Variants in PTN observed in about 807,000 individuals in gnomAD.
PTN encodes the protein pleiotrophin.
In PTN, 18 loss-of-function variants were observed where a neutral mutation model predicts 24.1. The ratio of observed to expected loss-of-function variants is 0.75; its 90% confidence interval spans 0.52 to 1.11. The LOEUF (loss-of-function observed/expected upper bound fraction) is 1.11. PTN is among the 50% of genes least tolerant of loss of function. The pLI is 0.00. For missense variants in PTN, 163 were observed against 198.8 expected (o/e 0.82, Z 1.08); for synonymous variants, 78 against 68.6 (o/e 1.14, Z -0.67).
At chr7:137,334,884 TCCTTTGTAGGGACATG>T (rs1158362845) in intron 1 of PTN, among the ~76,000 whole-genome samples, 1 of 151,838 alleles carries the variant, frequency 6.6e-6, no homozygotes. Context: ...TGAGTTCATG[TCCTTTGTAGGGACATG>T]GATGAAATTG....
chr7:137,247,318 C>T (rs183644203), intron 4 of PTN, among the ~76,000 whole-genome samples: 9 of 152,084 alleles, frequency 5.9e-5, no homozygotes, highest in African/African-American at 1.9e-4. Flanking sequence ...ATATACATAA[C>T]GGAGTACAAT....
intron 1 of PTN, among the ~76,000 whole-genome samples, chr7:137,285,859 T>C (rs1267495073): frequency 6.6e-6 from 1 of 152,180 alleles, no homozygotes; most frequent in Non-Finnish European, 1.5e-5. Context: ...AATAAGTGAG[T>C]AAATTTTAAA....
chr7:137,246,489 C>A (rs1315467072), intron 4 of PTN, among the ~76,000 whole-genome samples: 1 of 152,126 alleles, frequency 6.6e-6, no homozygotes, highest in African/African-American at 2.4e-5. Context: ...ATTTTGAAAA[C>A]CACTGATTTT....
chr7:137,301,168 A>C (rs1306542118), intron 1 of PTN, among the ~76,000 whole-genome samples: 1 of 151,976 alleles, frequency 6.6e-6, no homozygotes. Context: ...TATGTGTCAG[A>C]ATGAAAAATA....
intron 1 of PTN, among the ~76,000 whole-genome samples, chr7:137,331,109 T>G (rs529224561): frequency 6.6e-6 from 1 of 152,316 alleles, no homozygotes; most frequent in African/African-American, 2.4e-5. Context: ...TCTTGCTGCC[T>G]TTGACATAAA....
At chr7:137,267,506 T>C (rs1809176746) in intron 1 of PTN, among the ~76,000 whole-genome samples, 1 of 152,168 alleles carries the variant, frequency 6.6e-6, no homozygotes, top group Non-Finnish European at 1.5e-5. Context: ...AAGGGACCTG[T>C]CTAGGCTTCC....
chr7:137,264,039 T>C (rs35298418), intron 1 of PTN, among the ~76,000 whole-genome samples: 27,601 of 152,116 alleles, frequency 0.18, 2,969 homozygotes, highest in African/African-American at 0.3. Flanking sequence ...TTTTCTAGCT[T>C]TGCAATATTG....
At chr7:137,268,323 C>A (rs1181983623) in intron 1 of PTN, among the ~76,000 whole-genome samples, 1 of 152,118 alleles carries the variant, frequency 6.6e-6, no homozygotes, top group East Asian at 1.9e-4. Context: ...CCATTACTCA[C>A]CTCGCTTGCC....
chr7:137,323,042 T>A (rs1810191063), intron 1 of PTN, among the ~76,000 whole-genome samples: 1 of 152,244 alleles, frequency 6.6e-6, no homozygotes, highest in African/African-American at 2.4e-5. Context: ...TATGTTTGAC[T>A]TGAGTTTCAC....
chr7:137,302,858 A>G lies in PTN; in HGVS notation c.-2+40581T>C, dbSNP rs75093497. On this transcript the variant is annotated intron_variant, in intron 1 of 4. Coordinates refer to ENST00000348225, the MANE Select transcript of PTN (RefSeq NM_002825.7). The stretch of plus-strand genomic sequence containing the variant: ...ATAGCTCAAAATAACTCAAAAGTCT[A>G]TCAGTTCAGCTCTGCTTTCCCTATT... Among the ~76,000 whole-genome samples, 884 of 152,118 alleles carry G rather than the reference A, an allele frequency of 5.8e-3. 12 individuals carry two copies. Among genetic ancestry groups the G allele is most frequent in the African/African-American group, 0.02 (835 of 41,554 alleles).
At chr7:137,332,306 G>A (rs1462941779) in intron 1 of PTN, among the ~76,000 whole-genome samples, 2 of 151,896 alleles carry the variant, frequency 1.3e-5, no homozygotes, top group Non-Finnish European at 2.9e-5. Context: ...CTTGTACCAC[G>A]AACATGTATT....
intron 1 of PTN, among the ~76,000 whole-genome samples, chr7:137,319,818 G>A (rs963075942): frequency 6.6e-6 from 1 of 152,150 alleles, no homozygotes; most frequent in Non-Finnish European, 1.5e-5. Flanking sequence ...ACTCCTTGAC[G>A]TTATGGTCTT....
At chr7:137,260,646 A>G (rs1209834275) in intron 1 of PTN, among the ~76,000 whole-genome samples, 2 of 152,140 alleles carry the variant, frequency 1.3e-5, no homozygotes, top group Non-Finnish European at 2.9e-5. Flanking sequence ...AGTATCCCAT[A>G]TTCCAGATTT....
chr7:137,285,534 C>A (rs541751301), intron 1 of PTN, among the ~76,000 whole-genome samples: 1 of 152,032 alleles, frequency 6.6e-6, no homozygotes, highest in Non-Finnish European at 1.5e-5. Flanking sequence ...GACATGGTGG[C>A]GTGTGCCTGT....
chr7:137,228,469 A>G (rs750085600), intron 4 of PTN, among the ~76,000 whole-genome samples: 22 of 151,790 alleles, frequency 1.4e-4, no homozygotes, highest in Non-Finnish European at 2.8e-4. Context: ...GCTCAATGGA[A>G]AACTACAAGA....
At chr7:137,320,480 C>A (rs1375361702) in intron 1 of PTN, among the ~76,000 whole-genome samples, 1 of 152,160 alleles carries the variant, frequency 6.6e-6, no homozygotes, top group Non-Finnish European at 1.5e-5. Flanking sequence ...CTTCCTTGCA[C>A]AATCAAGTAT....
intron 1 of PTN, among the ~76,000 whole-genome samples, chr7:137,320,300 C>T (rs1810142244): frequency 6.6e-6 from 1 of 152,212 alleles, no homozygotes; most frequent in African/African-American, 2.4e-5. Context: ...AAGAGTAAGA[C>T]CCACACATAG....
chr7:137,284,096 T>G (rs1809517210), intron 1 of PTN, among the ~76,000 whole-genome samples: 2 of 149,670 alleles, frequency 1.3e-5, no homozygotes, highest in Admixed American at 1.3e-4. Context: ...CCTCTCCGAG[T>G]AGCTGGGACT....
At chr7:137,249,347 T>G (rs935193229) in intron 4 of PTN, among the ~76,000 whole-genome samples, 1 of 151,802 alleles carries the variant, frequency 6.6e-6, no homozygotes, top group Admixed American at 6.6e-5. Flanking sequence ...TGTCAATGGA[T>G]TCCATACTAG....
Sources: gnomAD v4.1 joint callset for allele counts (sites outside exome capture counted in the v4.1 genomes callset) on GRCh38, gnomAD v4.1.1 for gene constraint, MANE v1.5 for transcripts, NCBI Gene and HGNC (gene_info 2026-07-23, HGNC 2026-07-21) for gene names.